Variants in TCEA2 observed in about 807,000 individuals in gnomAD.
The protein encoded by TCEA2 is transcription elongation factor A protein 2.
In TCEA2, 21 loss-of-function variants were observed where a neutral mutation model predicts 40.8. The ratio of observed to expected loss-of-function variants is 0.51; its 90% CI spans 0.36 to 0.74. The LOEUF is 0.74. Among genes scored for constraint, TCEA2 ranks in the 30% least tolerant of loss-of-function variants. TCEA2 has a pLI of 0.00. For missense variants in TCEA2, 326 were observed against 426.5 expected (o/e 0.76, Z 2.08); for synonymous variants, 165 against 162.7 (o/e 1.01, Z -0.11).
chr20:64,069,601 G>A (rs988995794), intron 5 of TCEA2, 110 bp downstream of exon 5: 28 of 1,545,320 alleles, frequency 1.8e-5, no homozygotes, highest in Non-Finnish European at 1.4e-5. Context: ...TCCTCCCCCA[G>A]CCCATTGCTG....
At chr20:64,059,159 C>T (rs1397018825), upstream of TCEA2, among the ~76,000 whole-genome samples, 1 of 143,818 alleles carries the variant, frequency 7.0e-6, no homozygotes, top group African/African-American at 2.6e-5. Flanking sequence ...TGCCACTGCA[C>T]TCCAGCCTGG....
At chr20:64,068,469 C>G (rs1420954427) in intron 4 of TCEA2, among the ~76,000 whole-genome samples, 4 of 152,246 alleles carry the variant, frequency 2.6e-5, no homozygotes, top group Non-Finnish European at 5.9e-5. Flanking sequence ...CTGGCTTCCC[C>G]CTCAGCCTCA....
chr20:64,069,460 C>T lies in TCEA2; in HGVS notation c.429C>T (p.Arg143=), dbSNP rs143943470. 178 of 1,613,358 alleles carry T rather than the reference C, an allele frequency of 1.1e-4. 1 individual carries two copies. In the Admixed American group the frequency reaches 1.6e-3, roughly 15 times the overall value. ...VTCDAVRNKC[R]EMLTAALQTD... ...GTGATGCCGTGCGCAACAAGTGCCG[C>T]GAGATGCTGACCGCTGCCCTGCAGA... Residue 143 remains arginine (R), a synonymous_variant, in exon 5 of 10, where the codon CGC becomes CGT. Transcript: ENST00000343484.
chr20:64,064,454 G>A (rs1386023667), intron 1 of TCEA2: 2 of 152,298 alleles, frequency 1.3e-5, no homozygotes, highest in Non-Finnish European at 2.9e-5. Context: ...GGGGTGGGGA[G>A]GGGTCTGGCC....
chr20:64,067,462 CAGGGA>C lies in TCEA2; in HGVS notation c.241+452_241+456del, dbSNP rs552403715. 6.0e-3 allele frequency among the ~76,000 whole-genome samples: 894 copies of C among 148,558 alleles called. 7 individuals carry two copies. Among genetic ancestry groups the C allele is most frequent in the African/African-American group, 0.021 (853 of 40,942 alleles). On this transcript the variant is annotated intron_variant, in intron 3 of 9. Transcript: ENST00000343484. ...AGGGAACAGAGGGGCAGCCCCCTGC[CAGGGA>C]AGGGAAGGGCTGGGCTGGGCTGGGC...
chr20:64,062,102 G>A (rs896919226), upstream of TCEA2, among the ~76,000 whole-genome samples: 3 of 152,200 alleles, frequency 2.0e-5, no homozygotes, highest in African/African-American at 7.2e-5. Context: ...TATGTGATTA[G>A]TGCCACAGAC....
intron 4 of TCEA2, 138 bp from the exon 5 acceptor site, chr20:64,069,223 C>A: frequency 7.6e-7 from 1 of 1,314,884 alleles, no homozygotes; most frequent in Non-Finnish European, 1.0e-6. Flanking sequence ...CCACAGGCCA[C>A]TGTTGGACTC....
rs1476741664 is a variant in TCEA2, at chr20:64,069,427, T to C, written c.396T>C (p.Pro132=). The C allele has an allele frequency of 6.2e-7, 1 of 1,613,296 alleles. No individual in the cohort carries two copies. Among genetic ancestry groups the C allele is most frequent in the Middle Eastern group, 1.7e-4 (1 of 6,056 alleles). The part of the protein sequence containing the change: ...TPRITTFPPV[P]VTCDAVRNKC... Reference sequence around the variant, plus strand: ...GGATCACCACATTTCCTCCGGTGCCTGTCACCTGTGATGCCGTGCGCAACA... The same window carrying C: ...GGATCACCACATTTCCTCCGGTGCCCGTCACCTGTGATGCCGTGCGCAACA... Residue 132 remains proline, a synonymous_variant, in exon 5 of 10, where the codon CCT becomes CCC. Transcript: ENST00000343484.
At chr20:64,068,489 G>T (rs1470534344) in intron 4 of TCEA2, among the ~76,000 whole-genome samples, 1 of 152,208 alleles carries the variant, frequency 6.6e-6, no homozygotes, top group Admixed American at 6.5e-5. Flanking sequence ...ACTCAACGAC[G>T]GTCCCTCCTT....
Position 64,070,297 on chromosome 20 carries a change from T to C in TCEA2, c.555T>C (p.Tyr185=), listed in dbSNP as rs139240400. The C allele has an allele frequency of 3.7e-6, 6 of 1,614,066 alleles. No homozygotes were observed. In the African/African-American group the frequency reaches 6.7e-5, roughly 18 times the overall value. ...ACGTTGGAAACACAGACATGAAGTA[T>C]AAGAACCGTGTACGGAGTCGTATCT... is the stretch of plus-strand genomic sequence containing the variant. ...FRDVGNTDMK[Y]KNRVRSRISN... is the part of the protein sequence containing the mutation. The change falls in exon 7 of 10, where the codon TAT becomes TAC. Residue 185 remains tyrosine, a synonymous_variant. Transcript: ENST00000343484.
chr20:64,058,223 C>A (rs2059499752), upstream of TCEA2, among the ~76,000 whole-genome samples: 1 of 152,236 alleles, frequency 6.6e-6, no homozygotes, highest in Non-Finnish European at 1.5e-5. This position sits in a 1 kb window ranked among gnomAD's most constrained non-coding sequence, Gnocchi z 6.7. Context: ...CCATCACCTG[C>A]CCCTGCCATG....
At chr20:64,057,461 CAG>C (rs370463354) in exon 1 of TCEA2, 69 of 152,446 alleles carry the variant, frequency 4.5e-4, no homozygotes, top group African/African-American at 1.6e-3. Context: ...TGCCTGCGCA[CAG>C]GGGAGGGAAA....
upstream of TCEA2, among the ~76,000 whole-genome samples, chr20:64,059,904 T>C (rs2059529935): frequency 6.6e-6 from 1 of 152,132 alleles, no homozygotes; most frequent in South Asian, 2.1e-4. Flanking sequence ...AACCTTGCGC[T>C]TGTCCATCCC....
At chr20:64,068,251 G>T in intron 4 of TCEA2, 117 bp downstream of exon 4, 1 of 919,108 alleles carries the variant, frequency 1.1e-6, no homozygotes, top group Non-Finnish European at 1.7e-6. Context: ...ACACAGAGTC[G>T]GTCAGCCTCA....
chr20:64,064,084 C>T (rs1601582472), intron 1 of TCEA2: 2 of 152,504 alleles, frequency 1.3e-5, no homozygotes, highest in South Asian at 4.1e-4. Flanking sequence ...CCCCACCCCA[C>T]AAGAACCAGG....
chr20:64,070,145 C>G, intron 6 of TCEA2, 115 bp from the exon 7 acceptor site: 1 of 1,493,382 alleles, frequency 6.7e-7, no homozygotes. Context: ...AGACCGACCC[C>G]TGTGTGGCTG....
chr20:64,069,617 C>G, intron 5 of TCEA2, 126 bp downstream of exon 5: 1 of 1,536,092 alleles, frequency 6.5e-7, no homozygotes, highest in Non-Finnish European at 8.8e-7. Flanking sequence ...TGCTGTGGCC[C>G]TGGCAGGGGC....
At chr20:64,069,297 C>G (rs145415469) in intron 4 of TCEA2, 64 bp from the exon 5 acceptor site, 25 of 1,506,488 alleles carry the variant, frequency 1.7e-5, no homozygotes, top group Admixed American at 1.5e-4. Context: ...GCTTCTAGGA[C>G]CAGTGTCTCG....
rs1412083821 is a variant in TCEA2 at position 64,072,232 on chromosome 20, C to T, written c.*52C>T. On this transcript the variant is annotated 3_prime_UTR_variant, in exon 10 of 10. Transcript: ENST00000343484. Reference sequence around the variant, plus strand: ...TGGGCCCTCCCCGGCCCACGTCCTCCGTTGACACAGCTTCTCTGGAGACCC... The same window carrying T: ...TGGGCCCTCCCCGGCCCACGTCCTCTGTTGACACAGCTTCTCTGGAGACCC... 6.9e-6 allele frequency: 11 copies of T among 1,591,592 alleles called. No homozygotes were observed. The highest frequency in any genetic ancestry group is 4.5e-5 in the East Asian group (2 of 44,362).
Sources: allele counts gnomAD v4.1 joint callset (sites outside exome capture counted in the v4.1 genomes callset), GRCh38; gene constraint gnomAD v4.1.1; non-coding constraint Gnocchi (gnomAD v3.1); transcripts MANE v1.5; gene names NCBI Gene and HGNC (gene_info 2026-07-23, HGNC 2026-07-21).